Variants in CNTN5 observed in about 807,000 individuals in gnomAD.
CNTN5 encodes the protein contactin-5.
CNTN5 carries 77 observed loss-of-function variants against 129.1 expected under a neutral mutation model. The observed-to-expected ratio is 0.60, with a 90% CI of 0.50 to 0.72. The LOEUF is 0.72. Ranked by LOEUF, CNTN5 falls within the 30% of genes least tolerant of loss-of-function variation. The probability of loss-of-function intolerance (pLI) is 0.00; values close to 1 mark genes in which losing one functional copy is unlikely to be tolerated. For missense variants in CNTN5, 1,478 were observed against 1,328.8 expected (o/e 1.11, Z -1.75); for synonymous variants, 509 against 465.6 (o/e 1.09, Z -1.20).
At chr11:99,667,313 A>G (rs1952833695) in intron 3 of CNTN5, among the ~76,000 whole-genome samples, 1 of 152,144 alleles carries the variant, frequency 6.6e-6, no homozygotes, top group Non-Finnish European at 1.5e-5. Flanking sequence ...AATTTTGTAA[A>G]TAGCTTTTCA....
At chr11:100,165,696 G>T (rs574731681) in intron 13 of CNTN5, among the ~76,000 whole-genome samples, 1 of 151,820 alleles carries the variant, frequency 6.6e-6, no homozygotes, top group South Asian at 2.1e-4. Context: ...GAGAGTGAAT[G>T]AATAAGGTCT....
At chr11:99,533,964 T>C (rs980537712) in intron 2 of CNTN5, among the ~76,000 whole-genome samples, 2 of 152,186 alleles carry the variant, frequency 1.3e-5, no homozygotes, top group East Asian at 1.9e-4. Flanking sequence ...AGAAAAGTCC[T>C]CCTTTTTACC....
chr11:100,274,371 T>C (rs1950463593), intron 18 of CNTN5, among the ~76,000 whole-genome samples: 1 of 152,102 alleles, frequency 6.6e-6, no homozygotes, highest in Admixed American at 6.6e-5. Flanking sequence ...AATTGACAAA[T>C]GGGTTCTAAT....
At chr11:100,102,875 C>A (rs1439080217) in intron 13 of CNTN5, among the ~76,000 whole-genome samples, 2 of 152,118 alleles carry the variant, frequency 1.3e-5, no homozygotes, top group East Asian at 3.9e-4. Flanking sequence ...GAAATGGATT[C>A]TTCCTCTAAC....
chr11:99,881,912 A>C (rs2135861270), intron 6 of CNTN5, among the ~76,000 whole-genome samples: 1 of 152,342 alleles, frequency 6.6e-6, no homozygotes, highest in East Asian at 1.9e-4. Context: ...TGTTCATCAC[A>C]GTAGATCACA....
intron 2 of CNTN5, among the ~76,000 whole-genome samples, chr11:99,459,901 T>A (rs1420374773): frequency 6.6e-6 from 1 of 151,912 alleles, no homozygotes; most frequent in Non-Finnish European, 1.5e-5. Flanking sequence ...GAGTGAGACA[T>A]AGGCTCAAAT....
At chr11:100,232,723 T>C (rs1055811728) in intron 16 of CNTN5, among the ~76,000 whole-genome samples, 9 of 152,220 alleles carry the variant, frequency 5.9e-5, no homozygotes, top group African/African-American at 1.9e-4. Flanking sequence ...AGCTATGATC[T>C]AGCTAAACAT....
At chr11:99,867,263 G>A (rs979091710) in intron 6 of CNTN5, among the ~76,000 whole-genome samples, 3 of 152,100 alleles carry the variant, frequency 2.0e-5, no homozygotes, top group Non-Finnish European at 4.4e-5. Flanking sequence ...AGCAGCATAA[G>A]GATTTGTTCT....
intron 9 of CNTN5, among the ~76,000 whole-genome samples, chr11:100,038,633 T>G (rs1232028884): frequency 6.6e-6 from 1 of 152,126 alleles, no homozygotes; most frequent in Non-Finnish European, 1.5e-5. Flanking sequence ...AAGGACTTGC[T>G]TTATGAATCT....
intron 6 of CNTN5, among the ~76,000 whole-genome samples, chr11:99,875,743 T>A (rs1948616550): frequency 1.3e-5 from 2 of 152,108 alleles, no homozygotes; most frequent in Admixed American, 6.5e-5. Flanking sequence ...GTACCTTTTT[T>A]AAAGGATATA....
chr11:99,870,732 T>C (rs2135810372), intron 6 of CNTN5, among the ~76,000 whole-genome samples: 1 of 152,248 alleles, frequency 6.6e-6, no homozygotes, highest in Middle Eastern at 3.4e-3. Context: ...AAAAAGGCAG[T>C]GATCTCACCA....
intron 3 of CNTN5, among the ~76,000 whole-genome samples, chr11:99,633,672 T>C (rs202105961): frequency 2.0e-5 from 3 of 152,294 alleles, no homozygotes; most frequent in South Asian, 2.1e-4. Context: ...AATAGAGATA[T>C]ACCCTCGGTG....
intron 9 of CNTN5, among the ~76,000 whole-genome samples, chr11:100,019,062 T>A (rs770605): frequency 1.3e-5 from 2 of 151,650 alleles, no homozygotes; most frequent in Non-Finnish European, 3.0e-5. Flanking sequence ...TTATCATATA[T>A]GTGATTCGCA....
chr11:99,162,184 G>A (rs1056939934), intron 1 of CNTN5, among the ~76,000 whole-genome samples: 2 of 151,976 alleles, frequency 1.3e-5, no homozygotes, highest in Non-Finnish European at 2.9e-5. Context: ...CTGTTTTGAT[G>A]ATATTTGTTT....
chr11:99,300,742 A>G (rs996114328), intron 1 of CNTN5, among the ~76,000 whole-genome samples: 4 of 152,036 alleles, frequency 2.6e-5, no homozygotes, highest in Non-Finnish European at 5.9e-5. Flanking sequence ...AGAATCTTTC[A>G]GGCTGACATG....
chr11:99,254,167 C>T (rs1174546406), intron 1 of CNTN5, among the ~76,000 whole-genome samples: 1 of 151,476 alleles, frequency 6.6e-6, no homozygotes, highest in Non-Finnish European at 1.5e-5. Context: ...TTATGGTGGA[C>T]TGGGGTGGTT....
intron 8 of CNTN5, among the ~76,000 whole-genome samples, chr11:99,985,793 C>T (rs758124180): frequency 1.3e-5 from 2 of 152,156 alleles, no homozygotes; most frequent in Non-Finnish European, 2.9e-5. Context: ...CTTCCTGGCA[C>T]GGTCTTCCTC....
At chr11:99,266,184 A>C (rs1862876490) in intron 1 of CNTN5, among the ~76,000 whole-genome samples, 2 of 152,216 alleles carry the variant, frequency 1.3e-5, no homozygotes, top group Middle Eastern at 3.4e-3. Context: ...ATATTTGAAC[A>C]AAATAAATAA....
rs558429738 is a variant in CNTN5, at chr11:99,463,145, A to T, written c.-70-93000A>T. Among the ~76,000 whole-genome samples, 32 of 150,014 alleles carry T rather than the reference A, an allele frequency of 2.1e-4. No homozygotes were observed. The South Asian group carries it at 3.8e-3, about 18-fold the overall frequency. ...TAAATAAATAAATAAATAAATAAATAAAAGTAAAAAAGTCCAGGCGCGGTG... is the reference window on the plus strand; with the variant it reads ...TAAATAAATAAATAAATAAATAAATTAAAGTAAAAAAGTCCAGGCGCGGTG... On this transcript the variant is annotated intron_variant, in intron 2 of 24. Transcript: ENST00000524871.
Sources: allele counts gnomAD v4.1 joint callset (sites outside exome capture counted in the v4.1 genomes callset), GRCh38; gene constraint gnomAD v4.1.1; transcripts MANE v1.5; gene names NCBI Gene and HGNC (gene_info 2026-07-23, HGNC 2026-07-21).